Variants in SHISA9 observed in about 807,000 individuals in gnomAD.
SHISA9 encodes shisa family member 9, also known as protein shisa-9.
Under a neutral mutation model 38.0 loss-of-function variants are expected in SHISA9, and 13 were observed. The ratio of observed to expected loss-of-function variants is 0.34; its 90% CI spans 0.22 to 0.54. SHISA9 has a LOEUF of 0.54. SHISA9 is among the 20% of genes least tolerant of loss of function. SHISA9 has a pLI of 0.91. For missense variants in SHISA9, 538 were observed against 575.8 expected, an observed-to-expected ratio of 0.93 and a Z score of 0.67; for synonymous variants, 275 against 242.0, an observed-to-expected ratio of 1.14 and a Z score of -1.27.
the SHISA9 span, among the ~76,000 whole-genome samples, chr16:13,503,770 G>A: frequency 3.3e-5 from 5 of 152,142 alleles, no homozygotes; most frequent in African/African-American, 4.8e-5. Context: ...ATTTTAAGGC[G>A]TGGATGTAAT....
chr16:13,255,077 T>G, the SHISA9 span, among the ~76,000 whole-genome samples: 1 of 152,320 alleles, frequency 6.6e-6, no homozygotes, highest in African/African-American at 2.4e-5. Context: ...ATACCTGGCT[T>G]TAGCAGGTGG....
the SHISA9 span, among the ~76,000 whole-genome samples, chr16:13,396,753 C>A: frequency 1.3e-5 from 2 of 152,154 alleles, no homozygotes; most frequent in Non-Finnish European, 2.9e-5. Flanking sequence ...CCATCCTTCT[C>A]ATTCTTCACT....
the SHISA9 span, among the ~76,000 whole-genome samples, chr16:13,560,257 AC>A: frequency 6.6e-6 from 1 of 152,014 alleles, no homozygotes. Context: ...ATGGTCCAGC[AC>A]TCCCACCTGG....
intron 2 of SHISA9, among the ~76,000 whole-genome samples, chr16:13,193,630 G>A (rs960025482): frequency 6.6e-6 from 1 of 152,208 alleles, no homozygotes; most frequent in Non-Finnish European, 1.5e-5. Context: ...ACAGGCATGA[G>A]CCACCGCGCC....
the SHISA9 span, among the ~76,000 whole-genome samples, chr16:13,516,933 T>C: frequency 1.3e-5 from 2 of 152,194 alleles, no homozygotes; most frequent in African/African-American, 4.8e-5. Context: ...AACTGACCTG[T>C]TCACTGTCCT....
chr16:13,374,845 A>C, the SHISA9 span, among the ~76,000 whole-genome samples: 1 of 152,172 alleles, frequency 6.6e-6, no homozygotes, highest in South Asian at 2.1e-4. Context: ...CTGACTTTTT[A>C]ATGACTGCCA....
chr16:12,981,287 T>C (rs1448886279), intron 2 of SHISA9, among the ~76,000 whole-genome samples: 1 of 152,244 alleles, frequency 6.6e-6, no homozygotes, highest in African/African-American at 2.4e-5. Context: ...TACCCAGCCC[T>C]GATTTTATCT....
chr16:12,994,121 G>A (rs1430026485), intron 2 of SHISA9, among the ~76,000 whole-genome samples: 1 of 152,180 alleles, frequency 6.6e-6, no homozygotes, highest in African/African-American at 2.4e-5. Flanking sequence ...AGTGAAATAG[G>A]AATCAACTGG....
Position 13,203,511 on chromosome 16 carries a change from GA to G in SHISA9, c.813del (p.Glu272SerfsTer8). 6.5e-7 allele frequency: 1 copy of G among 1,547,078 alleles called. No individual in the cohort carries two copies. The highest frequency in any genetic ancestry group is 2.0e-5 in the Admixed American group (1 of 50,018). On this transcript the variant is annotated frameshift_variant, in exon 3 of 5. Transcript: ENST00000558583. LOFTEE classifies it high-confidence loss of function. ...ISNPYEQQPP[G>X]KELNKYASLK... ...AACCCCTATGAACAGCAGCCACCAG[GA>G]AAAGAGCTCAACAAGTACGCCTCCT...
intron 2 of SHISA9, among the ~76,000 whole-genome samples, chr16:12,985,194 C>G (rs1477503853): frequency 7.5e-6 from 1 of 132,980 alleles, no homozygotes. Context: ...TTGTACACCA[C>G]AAATATCTAC....
chr16:13,148,688 A>AGCGC (rs1437118658), intron 2 of SHISA9, among the ~76,000 whole-genome samples: 18 of 67,392 alleles, frequency 2.7e-4, no homozygotes, highest in African/African-American at 1.2e-3. Flanking sequence ...CACATACACA[A>AGCGC]GCACACACAC....
intron 2 of SHISA9, among the ~76,000 whole-genome samples, chr16:13,172,385 T>C (rs1567234771): frequency 6.6e-6 from 1 of 152,218 alleles, no homozygotes; most frequent in African/African-American, 2.4e-5. Flanking sequence ...TAGGAATAGA[T>C]ACTAAATAAA....
At chr16:13,543,411 C>G in the SHISA9 span, among the ~76,000 whole-genome samples, 2 of 152,170 alleles carry the variant, frequency 1.3e-5, no homozygotes, top group Non-Finnish European at 1.5e-5. Context: ...ATTCAATTCT[C>G]TGCACAAAAC....
the SHISA9 span, among the ~76,000 whole-genome samples, chr16:13,545,843 C>A: frequency 2.0e-5 from 3 of 152,172 alleles, no homozygotes; most frequent in African/African-American, 7.2e-5. Context: ...CCAATCAGAG[C>A]AGCTCATTCA....
chr16:13,548,189 C>G, the SHISA9 span, among the ~76,000 whole-genome samples: 1 of 152,102 alleles, frequency 6.6e-6, no homozygotes, highest in African/African-American at 2.4e-5. Flanking sequence ...GACCTTATCT[C>G]TCACCATATA....
chr16:13,346,304 C>T, the SHISA9 span, among the ~76,000 whole-genome samples: 2 of 152,158 alleles, frequency 1.3e-5, no homozygotes, highest in Non-Finnish European at 2.9e-5. Flanking sequence ...GGCTGCGACG[C>T]CACCAGATAT....
chr16:13,292,226 T>C, the SHISA9 span, among the ~76,000 whole-genome samples: 9 of 151,868 alleles, frequency 5.9e-5, no homozygotes, highest in African/African-American at 1.9e-4. Context: ...CAAGAGTCGA[T>C]TACAATTCAA....
At chr16:13,365,239 C>G in the SHISA9 span, among the ~76,000 whole-genome samples, 1 of 152,152 alleles carries the variant, frequency 6.6e-6, no homozygotes, top group Non-Finnish European at 1.5e-5. Flanking sequence ...TAATAAGGGA[C>G]TGAACCAGGC....
the SHISA9 span, among the ~76,000 whole-genome samples, chr16:13,549,207 C>A: frequency 4.6e-5 from 7 of 152,090 alleles, no homozygotes; most frequent in African/African-American, 1.7e-4. Context: ...TTGCCAGAGA[C>A]TGGGAGTGTA....
Sources: gnomAD v4.1 joint callset for allele counts (sites outside exome capture counted in the v4.1 genomes callset) on GRCh38, gnomAD v4.1.1 for gene constraint, MANE v1.5 for transcripts, NCBI Gene and HGNC (gene_info 2026-07-23, HGNC 2026-07-21) for gene names.